MYO16: variants seen among roughly 807,000 people sequenced by gnomAD.
MYO16 encodes the protein myosin XVI.
MYO16 carries 94 observed loss-of-function variants against 205.3 expected under a neutral mutation model. The observed-to-expected ratio is 0.46, with a 90% CI of 0.39 to 0.54. The LOEUF (loss-of-function observed/expected upper bound fraction) is 0.54. MYO16 is among the 20% of genes least tolerant of loss of function. The probability of loss-of-function intolerance (pLI) is 0.00; values close to 1 mark genes in which losing one functional copy is unlikely to be tolerated. For synonymous variants in MYO16, 988 were observed against 954.0 expected (o/e 1.04, Z -0.66); for missense variants, 2,315 against 2,387.5 (o/e 0.97, Z 0.63).
chr13:108,789,045 A>G (rs1481356295), intron 5 of MYO16, among the ~76,000 whole-genome samples: 1 of 152,146 alleles, frequency 6.6e-6, no homozygotes, highest in African/African-American at 2.4e-5. Flanking sequence ...GTTCTCAAGA[A>G]TATCCTTGTA....
intron 31 of MYO16, among the ~76,000 whole-genome samples, chr13:109,133,541 C>T (rs932022445): frequency 1.3e-5 from 2 of 152,048 alleles, no homozygotes; most frequent in South Asian, 2.1e-4. Flanking sequence ...CACACATGTC[C>T]GTATCATTCT....
intron 34 of MYO16, among the ~76,000 whole-genome samples, chr13:109,186,481 C>A (rs1472224249): frequency 6.6e-6 from 1 of 152,062 alleles, no homozygotes; most frequent in Non-Finnish European, 1.5e-5. Context: ...GCAGGGAGAT[C>A]GATGATGCTC....
chr13:108,753,788 C>A (rs114731090), intron 4 of MYO16, among the ~76,000 whole-genome samples: 2 of 152,152 alleles, frequency 1.3e-5, no homozygotes, highest in African/African-American at 2.4e-5. Flanking sequence ...AGAATCAAGA[C>A]CTACATTAAC....
At chr13:108,510,367 T>A in the MYO16 span, among the ~76,000 whole-genome samples, 1 of 151,272 alleles carries the variant, frequency 6.6e-6, no homozygotes, top group Non-Finnish European at 1.5e-5. Flanking sequence ...TCCATCCTCC[T>A]TGGCGTCCCA....
At chr13:109,053,115 A>G (rs1245886832) in intron 25 of MYO16, among the ~76,000 whole-genome samples, 1 of 152,168 alleles carries the variant, frequency 6.6e-6, no homozygotes, top group Non-Finnish European at 1.5e-5. Flanking sequence ...CCAGTGCCAG[A>G]TGGTATTCCA....
chr13:109,183,194 T>C (rs928564193), intron 34 of MYO16, among the ~76,000 whole-genome samples: 1 of 152,242 alleles, frequency 6.6e-6, no homozygotes, highest in African/African-American at 2.4e-5. Flanking sequence ...CCTTTAGAAG[T>C]AACTCGGTGG....
the MYO16 span, among the ~76,000 whole-genome samples, chr13:108,497,665 ATGATT>A: frequency 6.6e-6 from 1 of 152,308 alleles, no homozygotes; most frequent in Non-Finnish European, 1.5e-5. Flanking sequence ...ATAAAGTAAA[ATGATT>A]TGTTTTGTAT....
chr13:108,927,920 T>G (rs1882083055), intron 16 of MYO16, among the ~76,000 whole-genome samples: 1 of 152,218 alleles, frequency 6.6e-6, no homozygotes, highest in African/African-American at 2.4e-5. Flanking sequence ...GGCTGCACCA[T>G]CTCGCGCCAC....
intron 21 of MYO16, among the ~76,000 whole-genome samples, chr13:108,995,513 T>C (rs1291521819): frequency 1.3e-5 from 2 of 152,148 alleles, no homozygotes; most frequent in Non-Finnish European, 2.9e-5. Context: ...TAGGTATACA[T>C]GTGCCATGTT....
chr13:108,759,040 T>G (rs1157996909), intron 4 of MYO16, among the ~76,000 whole-genome samples: 1 of 152,202 alleles, frequency 6.6e-6, no homozygotes, highest in African/African-American at 2.4e-5. Context: ...GAAGATATTA[T>G]GAAATCTGAA....
intron 33 of MYO16, among the ~76,000 whole-genome samples, chr13:109,174,512 A>G (rs1436167818): frequency 6.6e-6 from 1 of 152,172 alleles, no homozygotes; most frequent in East Asian, 1.9e-4. Context: ...GGTGCTCAAG[A>G]GATAGAAGAC....
intron 20 of MYO16, among the ~76,000 whole-genome samples, chr13:108,979,293 T>C (rs1187260494): frequency 1.3e-5 from 2 of 152,018 alleles, no homozygotes; most frequent in Admixed American, 1.3e-4. Flanking sequence ...TAGTTTCCAA[T>C]GATGTTTTTT....
rs137929228 is a variant in MYO16 at position 109,063,821 on chromosome 13, C to T, written c.3335+8226C>T. On this transcript the variant is annotated intron_variant, in intron 27 of 34. Transcript: ENST00000457511. ...AGGAAATATGGCTTACCTGAACATACCATGTGGTTTCAAAGATTTTGAGGC... is the reference window on the plus strand; with the variant it reads ...AGGAAATATGGCTTACCTGAACATATCATGTGGTTTCAAAGATTTTGAGGC... Among the ~76,000 whole-genome samples, 3 of 152,210 alleles carry T rather than the reference C, an allele frequency of 2.0e-5. No homozygotes were observed. In the East Asian group the frequency reaches 5.8e-4, roughly 29 times the overall value.
chr13:109,165,077 T>G lies in MYO16; in HGVS notation c.5323+18T>G. 6.3e-7 allele frequency: 1 copy of G among 1,576,612 alleles called. No individual in the cohort carries two copies. The highest frequency in any genetic ancestry group is 8.6e-7 in the Non-Finnish European group (1 of 1,162,116). On this transcript the variant is annotated intron_variant, in intron 33 of 34. Transcript: ENST00000457511. ...CTCAAATGGTAAGCACTTTTTAAAC[T>G]CAGAAGTAAATGTACAAAAGTTTTA...
chr13:108,793,762 A>G (rs1233807241), intron 6 of MYO16, 122 bp downstream of exon 6: 5 of 1,163,360 alleles, frequency 4.3e-6, no homozygotes, highest in Non-Finnish European at 5.8e-6. Flanking sequence ...ATACATGTCA[A>G]TTGTAGAAGT....
rs143342209 is a variant in MYO16 at position 108,888,447 on chromosome 13, C to G, written c.1629C>G (p.Ser543Arg). ...IRHLTCRAGA[S>R]RATLDSRFKH... The stretch of plus-strand genomic sequence containing the variant: ...ACCTCACCTGCAGGGCTGGCGCCAG[C>G]AGGGCCACACTGGATTCCAGATTCA... Residue 543 changes from serine (S) to arginine (R), a missense_variant, in exon 14 of 35, where the codon AGC (serine) becomes AGG (arginine). Ser to Arg is a moderately radical substitution (Grantham distance 110, BLOSUM62 -1). Transcript: ENST00000457511. 3.4e-5 allele frequency: 55 copies of G among 1,608,762 alleles called. No individual in the cohort carries two copies. The African/African-American group carries it at 6.7e-4, about 20-fold the overall frequency.
chr13:108,539,644 C>T, the MYO16 span, among the ~76,000 whole-genome samples: 1 of 151,982 alleles, frequency 6.6e-6, no homozygotes, highest in Non-Finnish European at 1.5e-5. Context: ...TAATGGCATG[C>T]TTATGGAGAA....
intron 2 of MYO16, among the ~76,000 whole-genome samples, chr13:108,706,127 C>G (rs1883499531): frequency 6.6e-6 from 1 of 152,098 alleles, no homozygotes; most frequent in South Asian, 2.1e-4. Flanking sequence ...TAACTCCAAC[C>G]AACATGTACA....
intron 21 of MYO16, among the ~76,000 whole-genome samples, chr13:109,003,060 C>T (rs1049223550): frequency 6.6e-6 from 1 of 152,062 alleles, no homozygotes; most frequent in Non-Finnish European, 1.5e-5. Context: ...TAAAGGCAAA[C>T]TTTAAGTAAA....
Sources: allele counts gnomAD v4.1 joint callset (sites outside exome capture counted in the v4.1 genomes callset), GRCh38; gene constraint gnomAD v4.1.1; transcripts MANE v1.5; gene names NCBI Gene and HGNC (gene_info 2026-07-23, HGNC 2026-07-21).